Variants in TMEM132D observed in about 807,000 individuals in gnomAD.
The protein encoded by TMEM132D is transmembrane protein 132D.
TMEM132D carries 21 observed loss-of-function variants against 62.3 expected under a neutral mutation model. That is an observed-to-expected ratio of 0.34 (90% CI 0.24 to 0.49). The LOEUF is 0.49. TMEM132D is among the 20% of genes least tolerant of loss of function. TMEM132D has a pLI of 0.99. For missense variants in TMEM132D, 1,346 were observed against 1,402.8 expected (o/e 0.96, Z 0.65); for synonymous variants, 621 against 575.6 (o/e 1.08, Z -1.13).
At position 129,780,883 on chromosome 12, in the gene TMEM132D, G is replaced by A. The variant is rs905460286; in HGVS notation, c.80-80185C>T. Among the ~76,000 whole-genome samples, 10 of 152,276 alleles carry A rather than the reference G, an allele frequency of 6.6e-5. No individual in the cohort carries two copies. In the East Asian group the frequency reaches 9.7e-4, roughly 15 times the overall value. On this transcript the variant is annotated intron_variant, in intron 1 of 8. Transcript: ENST00000422113. ...TTCTGGGGAGACAGCTGATTAACAC[G>A]GAACTTAGCAGTATTCCAGTAACAG...
In TMEM132D at chr12:129,130,015, C is replaced by CTGTGTGTGTGTG. The variant is rs59282376; in HGVS notation, c.1444-45325_1444-45314dup. On this transcript the variant is annotated intron_variant, in intron 5 of 8. Coordinates refer to ENST00000422113, the MANE Select transcript of TMEM132D (RefSeq NM_133448.3). ...CAAGCTCAAAAATCAAAGCTCTGCT[C>CTGTGTGTGTGTG]TGTGTGTGTGTGTGTGTGTGTGTGT... is the stretch of plus-strand genomic sequence containing the variant. 4.9e-3 allele frequency among the ~76,000 whole-genome samples: 694 copies of CTGTGTGTGTGTG among 141,942 alleles called. 3 individuals carry two copies. Among genetic ancestry groups the CTGTGTGTGTGTG allele is most frequent in the Middle Eastern group, 0.014 (4 of 286 alleles). 93.1% of individuals were successfully genotyped at this position (141,942 alleles called of 152,430 possible).
chr12:129,838,063 T>C (rs1419038708), intron 1 of TMEM132D, among the ~76,000 whole-genome samples: 1 of 152,244 alleles, frequency 6.6e-6, no homozygotes, highest in Non-Finnish European at 1.5e-5. Context: ...GACGTTTTCA[T>C]GCACCAATAA....
At chr12:129,167,006 A>C (rs907835560) in intron 5 of TMEM132D, among the ~76,000 whole-genome samples, 7 of 152,104 alleles carry the variant, frequency 4.6e-5, no homozygotes, top group Middle Eastern at 3.4e-3. Context: ...TCTACTGAAA[A>C]TACAAAAATT....
intron 1 of TMEM132D, among the ~76,000 whole-genome samples, chr12:129,721,492 T>C (rs897272346): frequency 1.3e-5 from 2 of 152,098 alleles, no homozygotes; most frequent in African/African-American, 4.8e-5. Flanking sequence ...TGCTAGAAGG[T>C]CCTTGAAACT....
At chr12:129,722,766 G>A (rs538795170) in intron 1 of TMEM132D, among the ~76,000 whole-genome samples, 3 of 145,882 alleles carry the variant, frequency 2.1e-5, no homozygotes, top group East Asian at 4.0e-4. Context: ...TTGAGATGGG[G>A]TCTTGCTCTG....
chr12:129,731,727 A>G (rs999058695), intron 1 of TMEM132D, among the ~76,000 whole-genome samples: 3 of 151,630 alleles, frequency 2.0e-5, no homozygotes, highest in African/African-American at 7.3e-5. Flanking sequence ...CAGTGGCACT[A>G]TCTTGGCTCA....
chr12:129,802,632 A>T (rs1871835053), intron 1 of TMEM132D, among the ~76,000 whole-genome samples: 1 of 134,838 alleles, frequency 7.4e-6, no homozygotes, highest in Non-Finnish European at 1.6e-5. Context: ...TGCATCAACT[A>T]ACGAGCAAAA....
At chr12:129,616,905 A>G (rs1262170219) in intron 2 of TMEM132D, among the ~76,000 whole-genome samples, 2 of 152,240 alleles carry the variant, frequency 1.3e-5, no homozygotes, top group Non-Finnish European at 2.9e-5. Flanking sequence ...AAGGAGGCTG[A>G]GTAGACAAGG....
intron 2 of TMEM132D, among the ~76,000 whole-genome samples, chr12:129,643,808 T>TGGAATTGGTTG (rs1879700896): frequency 1.3e-5 from 2 of 151,822 alleles, no homozygotes; most frequent in Non-Finnish European, 2.9e-5. Context: ...TTGTCCCACC[T>TGGAATTGGTTG]TTCCGGACTG....
intron 2 of TMEM132D, among the ~76,000 whole-genome samples, chr12:129,613,508 AATATGTC>A (rs1378109787): frequency 3.3e-5 from 5 of 152,192 alleles, no homozygotes; most frequent in Non-Finnish European, 4.4e-5. Context: ...GCCCAGCAGC[AATATGTC>A]ATTTTTGTTC....
At chr12:129,736,666 C>T (rs559184822) in intron 1 of TMEM132D, among the ~76,000 whole-genome samples, 6 of 151,918 alleles carry the variant, frequency 3.9e-5, no homozygotes, top group Non-Finnish European at 8.8e-5. Context: ...GAAAAATGTT[C>T]TAGGAGAGAC....
At chr12:129,899,999 G>A (rs73160284) in intron 1 of TMEM132D, among the ~76,000 whole-genome samples, 2 of 152,038 alleles carry the variant, frequency 1.3e-5, no homozygotes, top group East Asian at 1.9e-4. Flanking sequence ...TAAGGGTGGT[G>A]CTGTCCTACC....
chr12:129,265,344 G>C (rs934903387), intron 4 of TMEM132D, among the ~76,000 whole-genome samples: 1 of 152,200 alleles, frequency 6.6e-6, no homozygotes, highest in Non-Finnish European at 1.5e-5. Flanking sequence ...CAAATGTCCA[G>C]TGTTGTGGTA....
chr12:129,638,551 A>G (rs1475646341), intron 2 of TMEM132D, among the ~76,000 whole-genome samples: 1 of 44,920 alleles, frequency 2.2e-5, no homozygotes, highest in African/African-American at 7.4e-5. Context: ...ATATAAACAT[A>G]TATAAATATA....
chr12:129,646,471 A>G (rs1879780278), intron 2 of TMEM132D, among the ~76,000 whole-genome samples: 2 of 152,130 alleles, frequency 1.3e-5, no homozygotes, highest in Non-Finnish European at 2.9e-5. Flanking sequence ...TAGGCTGTCA[A>G]GCTGAGACAG....
At chr12:129,341,838 G>C (rs1047643673) in intron 3 of TMEM132D, among the ~76,000 whole-genome samples, 1 of 151,994 alleles carries the variant, frequency 6.6e-6, no homozygotes, top group Admixed American at 6.6e-5. Flanking sequence ...GCTTCAAAGA[G>C]AATAAAATAC....
At chr12:129,817,926 T>C (rs974302000) in intron 1 of TMEM132D, among the ~76,000 whole-genome samples, 3 of 147,486 alleles carry the variant, frequency 2.0e-5, no homozygotes, top group Admixed American at 6.8e-5. Flanking sequence ...GCTGTGTATA[T>C]GTGGTTTGGA....
intron 3 of TMEM132D, among the ~76,000 whole-genome samples, chr12:129,486,906 A>G (rs1874597693): frequency 6.6e-6 from 1 of 152,196 alleles, no homozygotes; most frequent in Non-Finnish European, 1.5e-5. Flanking sequence ...TTGTCTTCAT[A>G]GAGAAATAAA....
At chr12:129,144,809 C>G in intron 5 of TMEM132D, among the ~76,000 whole-genome samples, 1 of 152,152 alleles carries the variant, frequency 6.6e-6, no homozygotes, top group Non-Finnish European at 1.5e-5. Flanking sequence ...CACCTATCAT[C>G]TATCTATCCA....
Sources: allele counts gnomAD v4.1 joint callset (sites outside exome capture counted in the v4.1 genomes callset), GRCh38; gene constraint gnomAD v4.1.1; transcripts MANE v1.5; gene names NCBI Gene and HGNC (gene_info 2026-07-23, HGNC 2026-07-21).